HTT: variants seen among roughly 807,000 people sequenced by gnomAD.
The protein encoded by HTT is huntingtin.
Under a neutral mutation model 362.3 loss-of-function variants are expected in HTT, and 104 were observed. The observed-to-expected ratio is 0.29, with a 90% CI of 0.24 to 0.34. The LOEUF (loss-of-function observed/expected upper bound fraction) is 0.34, where lower values mean the gene tolerates loss of function less well. Among genes scored for constraint, HTT ranks in the 10% least tolerant of loss-of-function variants. The pLI is 1.00. For synonymous variants in HTT, 1,577 were observed against 1,548.7 expected (o/e 1.02, Z -0.43); for missense variants, 3,301 against 3,928.6 (o/e 0.84, Z 4.27).
At chr4:3,208,369 A>G (rs1252904444) in intron 45 of HTT, among the ~76,000 whole-genome samples, 2 of 152,238 alleles carry the variant, frequency 1.3e-5, no homozygotes, top group Non-Finnish European at 2.9e-5. Context: ...ATGAATTCCT[A>G]TCAGTTGTCT....
chr4:3,160,844 G>T (rs1402170718), intron 29 of HTT, among the ~76,000 whole-genome samples: 1 of 152,100 alleles, frequency 6.6e-6, no homozygotes, highest in East Asian at 1.9e-4. Context: ...CAGAAAGTCA[G>T]CGGCAGAGCC....
intron 61 of HTT, among the ~76,000 whole-genome samples, chr4:3,235,071 A>G (rs1333964939): frequency 6.6e-6 from 1 of 151,968 alleles, no homozygotes; most frequent in Non-Finnish European, 1.5e-5. Flanking sequence ...GGCGTTGGGG[A>G]GGTAGACGGG....
At position 3,209,910 on chromosome 4, in the gene HTT, G is replaced by T. The variant is rs1720067086; in HGVS notation, c.6375G>T (p.Arg2125=). Residue 2125 remains arginine, a synonymous_variant, in exon 47 of 67, where the codon CGG becomes CGT. Coordinates refer to ENST00000355072, the MANE Select transcript of HTT (RefSeq NM_001388492.1). ...TGGAAGGTGCAGAGCTGGTGAATCG[G>T]ATTCCTGCTGAAGATATGAATGCCT... ...ALLEGAELVN[R]IPAEDMNAFM... The T allele has an allele frequency of 1.2e-6, 2 of 1,614,008 alleles. No individual in the cohort carries two copies. The highest frequency in any genetic ancestry group is 2.2e-5 in the South Asian group (2 of 91,076).
chr4:3,165,643 C>T (rs1366249885), intron 29 of HTT, among the ~76,000 whole-genome samples: 6 of 151,878 alleles, frequency 4.0e-5, no homozygotes, highest in South Asian at 4.2e-4. Flanking sequence ...CTTGTCTTCT[C>T]GCTTTATTTC....
chr4:3,088,903 T>C (rs1294819509), intron 2 of HTT, among the ~76,000 whole-genome samples: 1 of 152,212 alleles, frequency 6.6e-6, no homozygotes, highest in Admixed American at 6.5e-5. Flanking sequence ...TGTGGAAATG[T>C]TGTGGGAAGA....
chr4:3,151,951 A>C (rs934872307), intron 26 of HTT, among the ~76,000 whole-genome samples: 1 of 152,162 alleles, frequency 6.6e-6, no homozygotes, highest in Non-Finnish European at 1.5e-5. Context: ...TTTTTGAGAT[A>C]GGGTGTCATT....
Position 3,187,721 on chromosome 4 carries a change from C to T in HTT, c.5060C>T (p.Ser1687Leu). Residue 1687 changes from serine to leucine, a missense_variant, in exon 39 of 67, where the codon TCA becomes TTA. Physicochemically the swap from Ser to Leu is moderately radical, Grantham distance 145. This residue lies in a region of HTT where 2,316 missense variants were observed against 2,658.5 expected (regional missense o/e 0.87). Coordinates refer to ENST00000355072, the MANE Select transcript of HTT (RefSeq NM_001388492.1). ...LAILRVLISQ[S>L]TEDIVLSRIQ... The stretch of plus-strand genomic sequence containing the variant: ...ATTTTGAGGGTTCTGATTTCCCAGT[C>T]AACTGAAGATATTGTTCTTTCTCGT... 6.2e-7 allele frequency: 1 copy of T among 1,614,130 alleles called. No homozygotes were observed. Among genetic ancestry groups the T allele is most frequent in the Non-Finnish European group, 8.5e-7 (1 of 1,179,986 alleles).
chr4:3,094,117 C>G (rs1423876899), intron 2 of HTT, among the ~76,000 whole-genome samples: 1 of 151,662 alleles, frequency 6.6e-6, no homozygotes, highest in African/African-American at 2.4e-5. Context: ...GTGGTGATGA[C>G]TCTTAACGAG....
Position 3,074,946 on chromosome 4 carries a change from C to G in HTT, c.121C>G (p.Pro41Ala). 7.6e-7 allele frequency: 1 copy of G among 1,323,400 alleles called. No homozygotes were observed. The highest frequency in any genetic ancestry group is 9.7e-7 in the Non-Finnish European group (1 of 1,028,934). The allele number at this position is 1,323,400 out of a possible 1,614,324, so 82.0% of individuals were successfully genotyped here. Residue 41 changes from proline (P) to alanine (A), a missense_variant, in exon 1 of 67, where the codon CCG (proline) becomes GCG (alanine). Pro to Ala is a conservative substitution (Grantham distance 27). Around this residue, in one of 4 missense-constraint regions of HTT, gnomAD observed 2,316 missense variants for 2,658.5 expected, o/e 0.87. Transcript: ENST00000355072. ...GCAGCAGCAGCAGCAACAGCCGCCA[C>G]CGCCGCCGCCGCCGCCGCCGCCTCC... ...QQQQQQQQPPPPPPPPPPPQL... is the reference protein window; with the variant it reads ...QQQQQQQQPPAPPPPPPPPQL...
At chr4:3,232,124 C>G (rs1046784055) in intron 60 of HTT, among the ~76,000 whole-genome samples, 1 of 152,068 alleles carries the variant, frequency 6.6e-6, no homozygotes, top group African/African-American at 2.4e-5. Flanking sequence ...CGTACGCAGT[C>G]CTTAGGGAGG....
intron 27 of HTT, among the ~76,000 whole-genome samples, chr4:3,155,244 CAG>C (rs1717083703): frequency 6.6e-6 from 1 of 151,538 alleles, no homozygotes; most frequent in Admixed American, 6.6e-5. Context: ...TTTTTTGAGA[CAG>C]AGTCTCACTC....
intron 55 of HTT, 133 bp downstream of exon 55, chr4:3,223,693 C>A: frequency 1.1e-6 from 1 of 872,078 alleles, no homozygotes; most frequent in Non-Finnish European, 1.8e-6. Flanking sequence ...GTCCGTGTGG[C>A]CTGTGCAGGA....
intron 59 of HTT, 105 bp downstream of exon 59, chr4:3,229,114 C>G (rs1721071671): frequency 3.5e-6 from 4 of 1,134,740 alleles, no homozygotes; most frequent in Middle Eastern, 2.6e-4. Flanking sequence ...CACTTGCACA[C>G]ACACCCCTCA....
rs1720531294 is a variant in HTT, at chr4:3,218,650, G to A, written c.7242+698G>A. ...TCCGTCTCAAAAAAAAAAAAGGTAG[G>A]TGTTATTGATCAGAACCCTTGTTTC... On this transcript the variant is annotated intron_variant, in intron 52 of 66. Coordinates refer to ENST00000355072, the MANE Select transcript of HTT (RefSeq NM_001388492.1). The surrounding 1 kb of genome is among the most constrained non-coding windows in gnomAD (Gnocchi z 4.4). Among the ~76,000 whole-genome samples the A allele has an allele frequency of 6.6e-6, 1 of 152,136 alleles. No homozygotes were observed. Among genetic ancestry groups the A allele is most frequent in the Non-Finnish European group, 1.5e-5 (1 of 68,020 alleles).
intron 51 of HTT, among the ~76,000 whole-genome samples, chr4:3,216,934 A>G (rs1201129242): frequency 6.6e-6 from 1 of 150,926 alleles, no homozygotes; most frequent in Non-Finnish European, 1.5e-5. Context: ...CTGAGGCAGG[A>G]GAATGGCGTG....
intron 63 of HTT, 110 bp from the exon 64 acceptor site, chr4:3,236,039 C>G (rs1234142094): frequency 1.2e-6 from 1 of 856,586 alleles, no homozygotes; most frequent in Non-Finnish European, 2.0e-6. Context: ...GCTGATATCA[C>G]CTGCTTTCAG....
At chr4:3,133,324 TAAAAA>T (rs61554059) in intron 18 of HTT, among the ~76,000 whole-genome samples, 2 of 118,744 alleles carry the variant, frequency 1.7e-5, no homozygotes, top group Non-Finnish European at 3.6e-5. Flanking sequence ...TACAGAAAAT[TAAAAA>T]AAAAAAAAAA....
rs990261262 is a variant in HTT, at chr4:3,145,282, A to G, written c.3143+54A>G. The G allele has an allele frequency of 7.3e-6, 9 of 1,234,496 alleles. No homozygotes were observed. The African/African-American group carries it at 1.0e-4, about 14-fold the overall frequency. The allele number at this position is 1,234,496 out of a possible 1,614,324, so 76.5% of individuals were successfully genotyped here. On this transcript the variant is annotated intron_variant, in intron 24 of 66. Transcript: ENST00000355072. ...AGTTGTCTACAACAGTATGACATAA[A>G]CATAGTTATTAGGATGCCCTTTTTC...
rs202132294 is a variant in HTT at position 3,105,444 on chromosome 4, G to T, written c.608+8G>T. 1,089 of 1,595,394 alleles carry T rather than the reference G, an allele frequency of 6.8e-4. 1 individual carries two copies. Among genetic ancestry groups the T allele is most frequent in the Non-Finnish European group, 8.4e-4 (982 of 1,162,866 alleles). ...TCGGCCTCAGAAATGCAGGTAAGTT[G>T]TACACTCTGGATGTTGGTTTTTGTC... On this transcript the variant is annotated splice_region_variant and intron_variant, in intron 5 of 66. Coordinates refer to ENST00000355072, the MANE Select transcript of HTT (RefSeq NM_001388492.1).
Sources: gnomAD v4.1 joint callset for allele counts (sites outside exome capture counted in the v4.1 genomes callset) on GRCh38, gnomAD v4.1.1 for gene constraint, gnomAD v4.1.1 regional missense constraint, Gnocchi (gnomAD v3.1) non-coding constraint, MANE v1.5 for transcripts, NCBI Gene and HGNC (gene_info 2026-07-23, HGNC 2026-07-21) for gene names.